The following NEK9 variants were observed in gnomAD, a reference collection of about 807,000 sequenced individuals.
NEK9 encodes NIMA related kinase 9.
A neutral mutation model predicts 123.4 loss-of-function variants in NEK9; 75 were observed. The ratio of observed to expected loss-of-function variants is 0.61; its 90% CI spans 0.50 to 0.74. The LOEUF is 0.74. NEK9 is among the 30% of genes least tolerant of loss of function. NEK9 has a pLI of 0.00. For synonymous variants in NEK9, 438 were observed against 458.7 expected (o/e 0.95, Z 0.58); for missense variants, 952 against 1,214.4 (o/e 0.78, Z 3.21).
rs545582109 is a variant in NEK9 at position 75,127,003 on chromosome 14, C to G, written c.-82G>C. On this transcript the variant is annotated 5_prime_UTR_variant, in exon 1 of 22. Transcript: ENST00000238616. ...GCTGCGTCCCGCTCGCTTCAGATGCCGGCCCGCGGATCCGTCAGCCCAGCA... is the reference window on the plus strand; with the variant it reads ...GCTGCGTCCCGCTCGCTTCAGATGCGGGCCCGCGGATCCGTCAGCCCAGCA... The G allele has an allele frequency of 2.2e-5, 26 of 1,196,978 alleles. No homozygotes were observed. The highest frequency in any genetic ancestry group is 8.1e-5 in the African/African-American group (5 of 61,428). 74.1% of individuals were successfully genotyped at this position (1,196,978 alleles called of 1,614,324 possible). A position where few individuals can be genotyped will look rare whatever the true frequency, so the allele number is the denominator to read the frequency against.
chr14:75,096,609 G>A (rs1350528850), intron 17 of NEK9: 1 of 152,136 alleles, frequency 6.6e-6, no homozygotes. Flanking sequence ...CTGAGGTCAG[G>A]AGTTCTAGAC....
rs575382229 is a variant in NEK9 at position 75,086,081 on chromosome 14, C to T, written c.2817+937G>A. 4.1e-4 allele frequency among the ~76,000 whole-genome samples: 62 copies of T among 151,084 alleles called. No individual in the cohort carries two copies. In the South Asian group the frequency reaches 9.0e-3, roughly 22 times the overall value. Reference sequence around the variant, plus strand: ...GTAAGCGTCTATAGTCCCAGCTACTCGGGAGGCTGAGGCAGAAGAATCACT... The same window carrying T: ...GTAAGCGTCTATAGTCCCAGCTACTTGGGAGGCTGAGGCAGAAGAATCACT... On this transcript the variant is annotated intron_variant, in intron 21 of 21. Coordinates refer to ENST00000238616, the MANE Select transcript of NEK9 (RefSeq NM_033116.6).
chr14:75,098,453 G>A (rs998646063), intron 16 of NEK9, among the ~76,000 whole-genome samples: 3 of 152,162 alleles, frequency 2.0e-5, no homozygotes, highest in African/African-American at 7.2e-5. Flanking sequence ...AGGAGCTGTT[G>A]AATAAATGAG....
chr14:75,093,536 C>G (rs1894286086), intron 18 of NEK9, among the ~76,000 whole-genome samples: 1 of 152,184 alleles, frequency 6.6e-6, no homozygotes, highest in Non-Finnish European at 1.5e-5. Context: ...TCACTGCAAC[C>G]CCTGCCTCCC....
rs1010516605 is a variant in NEK9, at chr14:75,121,295, T to C, written c.398-121A>G. ...ATTCTGCTTTCTCTCCATAGGCAAC[T>C]ACTTCTTTTGACTTTTCACATGGGC... On this transcript the variant is annotated intron_variant, in intron 2 of 21. Transcript: ENST00000238616. The C allele has an allele frequency of 4.5e-6, 3 of 667,030 alleles. No homozygotes were observed. The African/African-American group carries it at 5.5e-5, about 12-fold the overall frequency. The allele number at this position is 667,030 out of a possible 1,614,324, so 41.3% of individuals were successfully genotyped here.
At position 75,109,887 on chromosome 14, in the gene NEK9, AC is replaced by A. The variant is rs1429249869; in HGVS notation, c.990-11del. The A allele has an allele frequency of 6.3e-7, 1 of 1,588,288 alleles. No homozygotes were observed. Among genetic ancestry groups the A allele is most frequent in the Non-Finnish European group, 8.5e-7 (1 of 1,169,860 alleles). On this transcript the variant is annotated splice_polypyrimidine_tract_variant and intron_variant, in intron 9 of 21. Coordinates refer to ENST00000238616, the MANE Select transcript of NEK9 (RefSeq NM_033116.6). ...AGTCACAGTGCTTGACCTGCCAACA[AC>A]CCCCAGAACAAAGGAACATTTAACA...
intron 13 of NEK9, 119 bp from the exon 14 acceptor site, chr14:75,104,116 G>A: frequency 9.9e-7 from 1 of 1,006,724 alleles, no homozygotes; most frequent in Non-Finnish European, 1.4e-6. Context: ...AGGAAAGTGA[G>A]GACTGCTCTA....
chr14:75,105,688 G>A (rs1894747324), intron 13 of NEK9, among the ~76,000 whole-genome samples: 2 of 152,148 alleles, frequency 1.3e-5, no homozygotes, highest in African/African-American at 4.8e-5. Flanking sequence ...TGCTGTACAC[G>A]CTGATTTTAG....
chr14:75,085,874 T>C (rs967766863), intron 21 of NEK9, among the ~76,000 whole-genome samples: 1 of 148,614 alleles, frequency 6.7e-6, no homozygotes, highest in Non-Finnish European at 1.5e-5. Flanking sequence ...TTGGTGACAA[T>C]GCAAGACCCT....
intron 1 of NEK9, among the ~76,000 whole-genome samples, chr14:75,125,971 A>G (rs1895510482): frequency 6.6e-6 from 1 of 152,248 alleles, no homozygotes; most frequent in African/African-American, 2.4e-5. Flanking sequence ...TCCGTGATCC[A>G]TGGATCTCTC....
At position 75,079,572 on chromosome 14, in the gene NEK9, T is replaced by C. The variant is rs1174920721; in HGVS notation, c.*4992A>G. 6.6e-6 allele frequency: 1 copy of C among 152,234 alleles called. No homozygotes were observed. Among genetic ancestry groups the C allele is most frequent in the Non-Finnish European group, 1.5e-5 (1 of 68,034 alleles). 9.4% of individuals were successfully genotyped at this position (152,234 alleles called of 1,614,324 possible). Reference sequence around the variant, plus strand: ...GTAAGCTGTGGCCAAGGTCACAAAATGGCAACATGTGGATTGCTTTGCTCC... The same window carrying C: ...GTAAGCTGTGGCCAAGGTCACAAAACGGCAACATGTGGATTGCTTTGCTCC... On this transcript the variant is annotated 3_prime_UTR_variant, in exon 22 of 22. Coordinates refer to ENST00000238616, the MANE Select transcript of NEK9 (RefSeq NM_033116.6).
chr14:75,094,480 T>C (rs1037897539), intron 18 of NEK9, among the ~76,000 whole-genome samples: 2 of 152,206 alleles, frequency 1.3e-5, no homozygotes, highest in African/African-American at 4.8e-5. Flanking sequence ...TCTGGGTGTT[T>C]ATGTGTTTTG....
At chr14:75,106,341 A>C in intron 12 of NEK9, 161 bp downstream of exon 12, 1 of 667,476 alleles carries the variant, frequency 1.5e-6, no homozygotes, top group Non-Finnish European at 2.4e-6. Context: ...CCTGGGTGAC[A>C]GAGAGAGACT....
intron 13 of NEK9, among the ~76,000 whole-genome samples, chr14:75,105,125 G>A (rs747228012): frequency 5.3e-5 from 8 of 152,168 alleles, no homozygotes; most frequent in Non-Finnish European, 1.2e-4. Context: ...GTGGGGTGAT[G>A]CATGTGTGGG....
chr14:75,085,258 T>A (rs770315850), intron 21 of NEK9, among the ~76,000 whole-genome samples: 1 of 152,224 alleles, frequency 6.6e-6, no homozygotes. Context: ...CCCAAAGTGC[T>A]GGGATTACAG....
rs541257044 is a variant in NEK9, at chr14:75,126,975, C to T, written c.-54G>A. On this transcript the variant is annotated 5_prime_UTR_variant, in exon 1 of 22. Transcript: ENST00000238616. ...CCTGCGTATGCCCGGAGGCCCTGGCCGCGCTGCGTCCCGCTCGCTTCAGAT... is the reference window on the plus strand; with the variant it reads ...CCTGCGTATGCCCGGAGGCCCTGGCTGCGCTGCGTCCCGCTCGCTTCAGAT... 4.4e-6 allele frequency: 6 copies of T among 1,356,110 alleles called. No individual in the cohort carries two copies. The highest frequency in any genetic ancestry group is 5.8e-6 in the Non-Finnish European group (6 of 1,035,750). The allele number at this position is 1,356,110 out of a possible 1,614,324, so 84.0% of individuals were successfully genotyped here.
intron 13 of NEK9, among the ~76,000 whole-genome samples, chr14:75,105,731 T>C (rs1397307306): frequency 2.6e-5 from 4 of 152,226 alleles, no homozygotes; most frequent in Non-Finnish European, 5.9e-5. Context: ...GACTTCACAA[T>C]GTCCACAGTC....
At chr14:75,101,427 CAG>C (rs1264112341) in intron 15 of NEK9, among the ~76,000 whole-genome samples, 3 of 152,110 alleles carry the variant, frequency 2.0e-5, no homozygotes, top group African/African-American at 7.2e-5. Flanking sequence ...AGGTGCTAAT[CAG>C]AGACAACAGA....
In NEK9 at chr14:75,118,263, G is replaced by A. The variant is rs73311625; in HGVS notation, c.630+567C>T. On this transcript the variant is annotated intron_variant, in intron 5 of 21. Coordinates refer to ENST00000238616, the MANE Select transcript of NEK9 (RefSeq NM_033116.6). ...CAATTTCTTTTAAGGACAGAGCATT[G>A]TGAAACTAGAAGAATAACAACTGGG... Among the ~76,000 whole-genome samples the A allele has an allele frequency of 1.2e-3, 184 of 152,242 alleles. 2 individuals carry two copies. The highest frequency in any genetic ancestry group is 4.0e-3 in the African/African-American group (168 of 41,550).
Sources: gnomAD v4.1 joint callset for allele counts (sites outside exome capture counted in the v4.1 genomes callset) on GRCh38, gnomAD v4.1.1 for gene constraint, MANE v1.5 for transcripts, NCBI Gene and HGNC (gene_info 2026-07-23, HGNC 2026-07-21) for gene names.